NDUFS4: variants seen among roughly 807,000 people sequenced by gnomAD.
NDUFS4 encodes NADH:ubiquinone oxidoreductase subunit S4.
A neutral mutation model predicts 24.3 loss-of-function variants in NDUFS4; 28 were observed. The ratio of observed to expected loss-of-function variants is 1.15; its 90% CI spans 0.85 to 1.58. The LOEUF is 1.58. Ranked by LOEUF, NDUFS4 falls within the 40% of genes most tolerant of loss-of-function variation. NDUFS4 has a pLI of 0.00. For missense variants in NDUFS4, 223 were observed against 207.9 expected (o/e 1.07, Z -0.45); for synonymous variants, 93 against 69.7 (o/e 1.34, Z -1.67).
At chr5:53,602,623 TA>T (rs145213418) in intron 1 of NDUFS4, among the ~76,000 whole-genome samples, 3 of 151,928 alleles carry the variant, frequency 2.0e-5, no homozygotes, top group South Asian at 2.1e-4. Flanking sequence ...TATATTGTAT[TA>T]AAAAAAAGAA....
chr5:53,589,984 C>G (rs554447335), intron 1 of NDUFS4, among the ~76,000 whole-genome samples: 8 of 152,102 alleles, frequency 5.3e-5, no homozygotes, highest in Non-Finnish European at 8.8e-5. Flanking sequence ...TTAATAAACT[C>G]CCTTGTTAGT....
At chr5:53,573,192 C>A (rs975155522) in intron 1 of NDUFS4, among the ~76,000 whole-genome samples, 18 of 151,886 alleles carry the variant, frequency 1.2e-4, no homozygotes, top group African/African-American at 4.1e-4. Flanking sequence ...CCAGGCTGGT[C>A]TTGAACTCCT....
intron 4 of NDUFS4, among the ~76,000 whole-genome samples, chr5:53,681,060 G>T (rs545170662): frequency 1.0e-3 from 153 of 152,142 alleles, no homozygotes; most frequent in African/African-American, 3.5e-3. Context: ...AATTTAATGG[G>T]CTCTAATGTA....
rs1163266561 is a variant in NDUFS4, at chr5:53,659,049, C to T, written c.424+425C>T. Among the ~76,000 whole-genome samples the T allele has an allele frequency of 2.6e-5, 4 of 152,038 alleles. 1 individual carries two copies. On this transcript the variant is annotated intron_variant, in intron 4 of 4. Transcript: ENST00000296684. The stretch of plus-strand genomic sequence containing the variant: ...TAGTCTATTAATCTATTTAATAACT[C>T]AATTATTTGAAAATATTGTCTTATT...
chr5:53,626,189 A>T (rs1219157913), intron 2 of NDUFS4, among the ~76,000 whole-genome samples: 1 of 152,136 alleles, frequency 6.6e-6, no homozygotes, highest in Non-Finnish European at 1.5e-5. Context: ...TTCCAGTTTC[A>T]TCCATGTCCC....
chr5:53,582,878 C>T, intron 1 of NDUFS4, among the ~76,000 whole-genome samples: 1 of 152,122 alleles, frequency 6.6e-6, no homozygotes, highest in African/African-American at 2.4e-5. Context: ...AAAACTAATG[C>T]ACAGCAGCAT....
intron 1 of NDUFS4, among the ~76,000 whole-genome samples, chr5:53,567,572 T>C (rs1749073745): frequency 6.6e-6 from 1 of 152,158 alleles, no homozygotes; most frequent in Admixed American, 6.5e-5. Context: ...ATTTTTTTTT[T>C]CTGTTTTCTT....
At chr5:53,682,670 C>T (rs759267535) in intron 4 of NDUFS4, among the ~76,000 whole-genome samples, 11 of 151,996 alleles carry the variant, frequency 7.2e-5, no homozygotes, top group Non-Finnish European at 1.5e-4. Flanking sequence ...CATATATATA[C>T]GTTTACATAT....
At chr5:53,578,843 A>C (rs1749467763) in intron 1 of NDUFS4, among the ~76,000 whole-genome samples, 1 of 151,756 alleles carries the variant, frequency 6.6e-6, no homozygotes, top group African/African-American at 2.4e-5. Context: ...TCTTAACTAG[A>C]TTCCAATTTC....
At chr5:53,651,066 T>C (rs1284056081) in intron 3 of NDUFS4, among the ~76,000 whole-genome samples, 1 of 152,186 alleles carries the variant, frequency 6.6e-6, no homozygotes, top group Non-Finnish European at 1.5e-5. Context: ...TTTGAAGCAA[T>C]AGACCTTGTC....
chr5:53,621,952 G>A (rs7716949), intron 2 of NDUFS4, among the ~76,000 whole-genome samples: 6 of 151,474 alleles, frequency 4.0e-5, no homozygotes, highest in Admixed American at 2.6e-4. Flanking sequence ...TGCCCGTCTC[G>A]GCCTCCCAAA....
intron 4 of NDUFS4, among the ~76,000 whole-genome samples, chr5:53,682,875 G>A (rs1180896749): frequency 6.6e-6 from 1 of 152,052 alleles, no homozygotes; most frequent in African/African-American, 2.4e-5. Context: ...TTGAATCATA[G>A]TTTACATCTT....
intron 4 of NDUFS4, among the ~76,000 whole-genome samples, chr5:53,671,034 C>T (rs1740208634): frequency 1.3e-5 from 2 of 151,520 alleles, no homozygotes; most frequent in African/African-American, 4.8e-5. Flanking sequence ...TCTAGAGATG[C>T]TATAAGTTTC....
At chr5:53,561,668 G>A (rs1748850376) in intron 1 of NDUFS4, among the ~76,000 whole-genome samples, 1 of 152,100 alleles carries the variant, frequency 6.6e-6, no homozygotes, top group Admixed American at 6.5e-5. Flanking sequence ...GGGGGTAGGA[G>A]GTGGATGCAA....
chr5:53,669,546 C>T (rs575193744), intron 4 of NDUFS4, among the ~76,000 whole-genome samples: 1 of 152,268 alleles, frequency 6.6e-6, no homozygotes, highest in African/African-American at 2.4e-5. Context: ...CCTCTTTCTT[C>T]CTTTTAACTT....
intron 1 of NDUFS4, among the ~76,000 whole-genome samples, chr5:53,561,571 G>GT (rs1300914994): frequency 1.6e-4 from 24 of 151,316 alleles, no homozygotes; most frequent in Admixed American, 5.3e-4. Context: ...ATTTCCTGGA[G>GT]TTTTTTAAAT....
rs749845171 is a variant in NDUFS4, at chr5:53,603,520, A to C, written c.167A>C (p.Asp56Ala). Residue 56 changes from aspartate to alanine, a missense_variant, in exon 2 of 5, where the codon GAT becomes GCT. Coordinates refer to ENST00000296684, the MANE Select transcript of NDUFS4 (RefSeq NM_002495.4). ...QTQDTQLITV[D>A]EKLDITTLTG... ...CAAGACACACAACTCATAACAGTTGATGAAAAATTGGTAAGGATTTTCTAC... is the reference window on the plus strand; with the variant it reads ...CAAGACACACAACTCATAACAGTTGCTGAAAAATTGGTAAGGATTTTCTAC... 6 of 1,613,738 alleles carry C rather than the reference A, an allele frequency of 3.7e-6. No homozygotes were observed. The Admixed American group carries it at 1.0e-4, about 27-fold the overall frequency.
At chr5:53,655,444 G>C (rs1467849368) in intron 3 of NDUFS4, among the ~76,000 whole-genome samples, 2 of 130,054 alleles carry the variant, frequency 1.5e-5, no homozygotes, top group Non-Finnish European at 3.2e-5. Context: ...GCTTAACTTT[G>C]TGAGATTCAT....
intron 1 of NDUFS4, among the ~76,000 whole-genome samples, chr5:53,575,530 C>CTTTT (rs36051026): frequency 5.3e-5 from 4 of 76,118 alleles, no homozygotes; most frequent in African/African-American, 1.2e-4. Context: ...TGATCAGATT[C>CTTTT]TTTTTTTTTT....
Sources: allele counts gnomAD v4.1 joint callset (sites outside exome capture counted in the v4.1 genomes callset), GRCh38; gene constraint gnomAD v4.1.1; transcripts MANE v1.5; gene names NCBI Gene and HGNC (gene_info 2026-07-23, HGNC 2026-07-21).